NXPE2: variants seen among roughly 807,000 people sequenced by gnomAD.
NXPE2 encodes neurexophilin and PC-esterase domain family member 2, also known as NXPE family member 2.
In NXPE2, 34 loss-of-function variants were observed where a neutral mutation model predicts 34.4. That is an observed-to-expected ratio of 0.99 (90% CI 0.75 to 1.31). NXPE2 has a LOEUF of 1.31. Among genes scored for constraint, NXPE2 ranks in the 40% most tolerant of loss-of-function variants. The pLI, the probability that NXPE2 is intolerant of heterozygous loss-of-function variation, is 0.00. For synonymous variants in NXPE2, 235 were observed against 231.3 expected (o/e 1.02, Z -0.15); for missense variants, 649 against 672.5 (o/e 0.97, Z 0.39).
At chr11:114,534,235 G>T in the NXPE2 span, among the ~76,000 whole-genome samples, 1 of 152,182 alleles carries the variant, frequency 6.6e-6, no homozygotes, top group Non-Finnish European at 1.5e-5. Flanking sequence ...CTGACTGTTA[G>T]AAGGAAAACT....
chr11:114,654,819 C>T, the NXPE2 span, among the ~76,000 whole-genome samples: 69 of 152,172 alleles, frequency 4.5e-4, 1 homozygote, highest in East Asian at 0.013. Flanking sequence ...GATTTATTTT[C>T]CTTTGGATAT....
chr11:114,612,311 G>A, the NXPE2 span, among the ~76,000 whole-genome samples: 2 of 151,850 alleles, frequency 1.3e-5, no homozygotes, highest in East Asian at 1.9e-4. Context: ...TGCCTCGCAG[G>A]TAACCACTGT....
At chr11:114,610,200 C>A in the NXPE2 span, among the ~76,000 whole-genome samples, 1 of 151,814 alleles carries the variant, frequency 6.6e-6, no homozygotes, top group East Asian at 1.9e-4. Flanking sequence ...ACGTGGGTAG[C>A]CACTGTTACC....
the NXPE2 span, among the ~76,000 whole-genome samples, chr11:114,479,909 T>A: frequency 2.6e-5 from 4 of 152,064 alleles, no homozygotes; most frequent in Non-Finnish European, 5.9e-5. Context: ...TCAGGAAGCT[T>A]ATAATCATGG....
the NXPE2 span, among the ~76,000 whole-genome samples, chr11:114,751,144 G>A: frequency 6.6e-6 from 1 of 152,130 alleles, no homozygotes; most frequent in Non-Finnish European, 1.5e-5. Flanking sequence ...GCTTTTTATT[G>A]CCTCATATCA....
At chr11:114,533,466 A>G in the NXPE2 span, among the ~76,000 whole-genome samples, 4 of 152,212 alleles carry the variant, frequency 2.6e-5, no homozygotes, top group Non-Finnish European at 5.9e-5. Flanking sequence ...CACACCGTGC[A>G]TGAGCTGAAG....
the NXPE2 span, among the ~76,000 whole-genome samples, chr11:114,663,722 C>CTATCTGAT: frequency 6.7e-6 from 1 of 149,784 alleles, no homozygotes; most frequent in Non-Finnish European, 1.5e-5. Flanking sequence ...ATCTGATCTA[C>CTATCTGAT]CTACCTATCT....
chr11:114,784,293 A>G, the NXPE2 span, among the ~76,000 whole-genome samples: 1 of 152,212 alleles, frequency 6.6e-6, no homozygotes, highest in Non-Finnish European at 1.5e-5. Flanking sequence ...CAGCTCCCAA[A>G]TAACATAAAG....
chr11:114,598,276 C>T, the NXPE2 span, among the ~76,000 whole-genome samples: 24 of 152,230 alleles, frequency 1.6e-4, no homozygotes, highest in African/African-American at 5.8e-4. Flanking sequence ...CTGGGCAGCT[C>T]TGCCCCTGTG....
the NXPE2 span, chr11:114,527,779 A>T: frequency 9.1e-7 from 1 of 1,099,790 alleles, no homozygotes; most frequent in Non-Finnish European, 1.3e-6. Flanking sequence ...ACAATTATTT[A>T]GGTTAATGCT....
the NXPE2 span, among the ~76,000 whole-genome samples, chr11:114,777,477 A>T: frequency 1.3e-5 from 2 of 152,198 alleles, no homozygotes; most frequent in Non-Finnish European, 2.9e-5. Context: ...TTCTCAGGGC[A>T]CATTCTCAGG....
At chr11:114,682,093 C>A (rs1178034941) in intron 2 of NXPE2, among the ~76,000 whole-genome samples, 1 of 152,144 alleles carries the variant, frequency 6.6e-6, no homozygotes. Flanking sequence ...ATTTTCCAAA[C>A]AATAAGCCCT....
the NXPE2 span, among the ~76,000 whole-genome samples, chr11:114,796,327 A>AT: frequency 2.6e-5 from 4 of 152,202 alleles, no homozygotes; most frequent in Non-Finnish European, 4.4e-5. Context: ...TCCTTGAAGA[A>AT]TTTTTTATTT....
At chr11:114,551,434 C>T in the NXPE2 span, 2 of 1,268,762 alleles carry the variant, frequency 1.6e-6, no homozygotes, top group Non-Finnish European at 2.0e-6. Context: ...CTTCCTCCTT[C>T]CAGGACCCTG....
chr11:114,530,993 G>A, the NXPE2 span: 2 of 1,316,088 alleles, frequency 1.5e-6, no homozygotes, highest in African/African-American at 3.0e-5. Flanking sequence ...TTTGTTTACA[G>A]TGAATATTTG....
At chr11:114,791,608 G>A in the NXPE2 span, among the ~76,000 whole-genome samples, 2 of 152,282 alleles carry the variant, frequency 1.3e-5, no homozygotes, top group South Asian at 2.1e-4. Context: ...GAGGAAGCAC[G>A]TTACCAAAGC....
chr11:114,641,351 T>C, the NXPE2 span, among the ~76,000 whole-genome samples: 3 of 152,016 alleles, frequency 2.0e-5, no homozygotes, highest in Non-Finnish European at 4.4e-5. Flanking sequence ...CAAGTACACA[T>C]GAAACCCAAA....
the NXPE2 span, among the ~76,000 whole-genome samples, chr11:114,536,338 G>C: frequency 6.6e-6 from 1 of 152,022 alleles, no homozygotes; most frequent in African/African-American, 2.4e-5. Context: ...CAGGAAAGAT[G>C]AAAAATTGAC....
chr11:114,507,088 T>TA, the NXPE2 span, among the ~76,000 whole-genome samples: 11 of 151,980 alleles, frequency 7.2e-5, no homozygotes, highest in African/African-American at 2.7e-4. Context: ...CAGAATATTA[T>TA]AAACACCTCT....
Sources: gnomAD v4.1 joint callset for allele counts (sites outside exome capture counted in the v4.1 genomes callset) on GRCh38, gnomAD v4.1.1 for gene constraint, MANE v1.5 for transcripts, NCBI Gene and HGNC (gene_info 2026-07-23, HGNC 2026-07-21) for gene names.